The following SCLT1 variants were observed in gnomAD, a reference collection of about 807,000 sequenced individuals.
The protein encoded by SCLT1 is sodium channel-associated protein 1.
Under a neutral mutation model 112.8 loss-of-function variants are expected in SCLT1, and 78 were observed. That is an observed-to-expected ratio of 0.69 (90% CI 0.58 to 0.83). SCLT1 has a LOEUF of 0.83. SCLT1 is among the 40% of genes least tolerant of loss of function. The probability of loss-of-function intolerance (pLI) is 0.00; values close to 1 mark genes in which losing one functional copy is unlikely to be tolerated. For missense variants in SCLT1, 747 were observed against 770.4 expected, an observed-to-expected ratio of 0.97 and a Z score of 0.36; for synonymous variants, 257 against 254.7, an observed-to-expected ratio of 1.01 and a Z score of -0.09.
chr4:129,012,851 G>C (rs1480069252), intron 5 of SCLT1, among the ~76,000 whole-genome samples: 1 of 141,936 alleles, frequency 7.0e-6, no homozygotes, highest in Admixed American at 7.1e-5. Flanking sequence ...CTTTTTTTCT[G>C]TTTTCCATTT....
chr4:129,059,781 CTT>C (rs950209176), intron 2 of SCLT1, among the ~76,000 whole-genome samples: 4 of 152,120 alleles, frequency 2.6e-5, no homozygotes, highest in African/African-American at 4.8e-5. Context: ...AGAATTTTCT[CTT>C]TGTCTTTGAC....
chr4:129,034,184 T>C (rs2126150406), intron 5 of SCLT1, among the ~76,000 whole-genome samples: 1 of 152,260 alleles, frequency 6.6e-6, no homozygotes, highest in African/African-American at 2.4e-5. Context: ...TTTATTATTG[T>C]TTTTGTAAAT....
chr4:129,079,999 A>G (rs918708825), intron 2 of SCLT1, among the ~76,000 whole-genome samples: 6 of 152,188 alleles, frequency 3.9e-5, no homozygotes, highest in African/African-American at 1.4e-4. Flanking sequence ...GGGCCCTTTT[A>G]GCCACAGCTG....
chr4:128,925,470 T>C (rs575527155), intron 18 of SCLT1, among the ~76,000 whole-genome samples: 75 of 152,128 alleles, frequency 4.9e-4, no homozygotes, highest in Non-Finnish European at 8.1e-4. Flanking sequence ...ATTACAGGCA[T>C]GTGCCACCAC....
At chr4:129,031,148 C>T (rs1746684055) in intron 5 of SCLT1, among the ~76,000 whole-genome samples, 3 of 152,032 alleles carry the variant, frequency 2.0e-5, no homozygotes, top group Admixed American at 2.0e-4. Flanking sequence ...GGATACAAGG[C>T]TGGTTCAACG....
intron 18 of SCLT1, among the ~76,000 whole-genome samples, chr4:128,893,584 C>T (rs1389907083): frequency 1.3e-5 from 2 of 152,212 alleles, no homozygotes. Flanking sequence ...GCTCTGTCCC[C>T]CAGGCTGGAG....
At chr4:129,024,253 A>C (rs1415607710) in intron 5 of SCLT1, among the ~76,000 whole-genome samples, 1 of 150,952 alleles carries the variant, frequency 6.6e-6, no homozygotes, top group Non-Finnish European at 1.5e-5. Flanking sequence ...TGGGTCTCTG[A>C]CCCCTGACCC....
rs139138211 is a variant in SCLT1 at position 129,057,788 on chromosome 4, G to A, written c.103-13737C>T. 6.2e-4 allele frequency among the ~76,000 whole-genome samples: 93 copies of A among 149,590 alleles called. 2 individuals carry two copies. The highest frequency in any genetic ancestry group is 2.2e-3 in the African/African-American group (90 of 40,778). ...TTTTTTTGAGAGGGAGTCTTGCTCT[G>A]TCGCCCAGGCTGGAGTGCAGTGGCA... is the stretch of plus-strand genomic sequence containing the variant. On this transcript the variant is annotated intron_variant, in intron 2 of 20. Coordinates refer to ENST00000281142, the MANE Select transcript of SCLT1 (RefSeq NM_144643.4).
chr4:129,010,234 G>C (rs1744400348), intron 5 of SCLT1, among the ~76,000 whole-genome samples: 1 of 152,098 alleles, frequency 6.6e-6, no homozygotes, highest in Non-Finnish European at 1.5e-5. Flanking sequence ...TAGGTGTGTG[G>C]CTTTATTTCT....
intron 18 of SCLT1, among the ~76,000 whole-genome samples, chr4:128,922,916 A>G (rs1735992952): frequency 6.6e-6 from 1 of 152,238 alleles, no homozygotes; most frequent in Non-Finnish European, 1.5e-5. Flanking sequence ...CAATGAAAAA[A>G]GATGAAAAAT....
intron 4 of SCLT1, chr4:129,040,022 T>C (rs1747558630): frequency 1.7e-6 from 1 of 589,792 alleles, no homozygotes; most frequent in South Asian, 2.0e-5. Flanking sequence ...TTGTGCTTCC[T>C]AAGCTAAAGG....
intron 2 of SCLT1, among the ~76,000 whole-genome samples, chr4:129,050,535 T>G (rs929093107): frequency 3.3e-5 from 5 of 152,238 alleles, no homozygotes; most frequent in African/African-American, 1.2e-4. Flanking sequence ...AATGTCTTTT[T>G]TGAGAAGTGT....
At chr4:129,043,058 T>C (rs1227183744) in intron 4 of SCLT1, among the ~76,000 whole-genome samples, 2 of 150,642 alleles carry the variant, frequency 1.3e-5, no homozygotes, top group Non-Finnish European at 3.0e-5. Flanking sequence ...GGCGACAGAG[T>C]GAGATTCCAT....
intron 9 of SCLT1, among the ~76,000 whole-genome samples, chr4:128,973,608 G>A (rs1482482954): frequency 1.3e-5 from 2 of 152,040 alleles, no homozygotes; most frequent in Non-Finnish European, 2.9e-5. Context: ...TAATATTCAT[G>A]TGTGAAAAAT....
chr4:128,915,582 G>T (rs1328775696), intron 18 of SCLT1, among the ~76,000 whole-genome samples: 1 of 152,020 alleles, frequency 6.6e-6, no homozygotes, highest in Admixed American at 6.6e-5. Flanking sequence ...AAATACTGGG[G>T]GCACATTATA....
intron 20 of SCLT1, 78 bp downstream of exon 20, chr4:128,888,601 C>A: frequency 2.7e-6 from 2 of 732,032 alleles, no homozygotes; most frequent in Non-Finnish European, 2.3e-6. Flanking sequence ...TAAAAATAAA[C>A]TATTAAGTTC....
At chr4:128,891,643 C>CTTT (rs5861870) in intron 18 of SCLT1, among the ~76,000 whole-genome samples, 18 of 119,512 alleles carry the variant, frequency 1.5e-4, no homozygotes, top group South Asian at 2.7e-4. Context: ...CTATAATATG[C>CTTT]TTTTTTTTTT....
intron 2 of SCLT1, among the ~76,000 whole-genome samples, chr4:129,058,986 G>GGATATAATTGAATTCATCAT (rs927197395): frequency 6.6e-6 from 1 of 152,054 alleles, no homozygotes; most frequent in Non-Finnish European, 1.5e-5. Flanking sequence ...TCAGGAAGGA[G>GGATATAATTGAATTCATCAT]GATATAATTG....
rs74368021 is a variant in SCLT1 at position 129,031,653 on chromosome 4, C to T, written c.290+7388G>A. 4.8e-3 allele frequency among the ~76,000 whole-genome samples: 732 copies of T among 152,008 alleles called. 6 individuals carry two copies. The highest frequency in any genetic ancestry group is 0.017 in the African/African-American group (695 of 41,478). ...ATTAATGTGCAAAATCAAAGGATTCCTATACAACAACAATAGACAAGCAGA... is the reference window on the plus strand; with the variant it reads ...ATTAATGTGCAAAATCAAAGGATTCTTATACAACAACAATAGACAAGCAGA... On this transcript the variant is annotated intron_variant, in intron 5 of 20. Coordinates refer to ENST00000281142, the MANE Select transcript of SCLT1 (RefSeq NM_144643.4).
Sources: gnomAD v4.1 joint callset for allele counts (sites outside exome capture counted in the v4.1 genomes callset) on GRCh38, gnomAD v4.1.1 for gene constraint, MANE v1.5 for transcripts, NCBI Gene and HGNC (gene_info 2026-07-23, HGNC 2026-07-21) for gene names.